Variants in PANK3 observed in about 807,000 individuals in gnomAD.
The protein encoded by PANK3 is hPanK3.
A neutral mutation model predicts 39.4 loss-of-function variants in PANK3; 20 were observed. The observed-to-expected ratio is 0.51, with a 90% CI of 0.36 to 0.74. The LOEUF is 0.74. Ranked by LOEUF, PANK3 falls within the 30% of genes least tolerant of loss-of-function variation. The pLI, the probability that PANK3 is intolerant of heterozygous loss-of-function variation, is 0.00. For missense variants in PANK3, 265 were observed against 437.0 expected (o/e 0.61, Z 3.51); for synonymous variants, 140 against 157.3 (o/e 0.89, Z 0.82).
chr5:168,568,523 G>A, intron 2 of PANK3, 123 bp downstream of exon 2: 1 of 765,474 alleles, frequency 1.3e-6, no homozygotes, highest in Non-Finnish European at 2.1e-6. Context: ...CAAGTGAAAG[G>A]CAACCATGGA....
rs1416840205 is a variant in PANK3, at chr5:168,556,284, G to C, written c.*1287C>G. ...AAATGGAAGACTTGCTCCAACTCTAGAGTTTTCAGAGAGTTAGAGGAGGTG... is the reference window on the plus strand; with the variant it reads ...AAATGGAAGACTTGCTCCAACTCTACAGTTTTCAGAGAGTTAGAGGAGGTG... On this transcript the variant is annotated 3_prime_UTR_variant, in exon 7 of 7. Coordinates refer to ENST00000239231, the MANE Select transcript of PANK3 (RefSeq NM_024594.4). The C allele has an allele frequency of 1.3e-5, 2 of 152,186 alleles. No homozygotes were observed. Among genetic ancestry groups the C allele is most frequent in the African/African-American group, 4.8e-5 (2 of 41,438 alleles). 9.4% of individuals were successfully genotyped at this position (152,186 alleles called of 1,614,324 possible). A position where few individuals can be genotyped will look rare whatever the true frequency, so the allele number is the denominator to read the frequency against.
intron 1 of PANK3, among the ~76,000 whole-genome samples, chr5:168,571,297 C>T (rs1479036196): frequency 6.6e-6 from 1 of 152,150 alleles, no homozygotes; most frequent in Non-Finnish European, 1.5e-5. Flanking sequence ...TAAAGCACAA[C>T]TGATTCAGTT....
chr5:168,573,416 CAAAAAAAAAAAAAAAAA>C (rs574960925), intron 1 of PANK3, among the ~76,000 whole-genome samples: 195 of 16,982 alleles, frequency 0.011, 10 homozygotes, highest in African/African-American at 0.049. Flanking sequence ...CTCAGCAAGG[CAAAAAAAAAAAAAAAAA>C]AAAAAAAAAA....
chr5:168,577,822 T>C lies in PANK3; in HGVS notation c.28+1434A>G, dbSNP rs763829477. Among the ~76,000 whole-genome samples, 146 of 152,134 alleles carry C rather than the reference T, an allele frequency of 9.6e-4. 2 individuals carry two copies. The highest frequency in any genetic ancestry group is 2.8e-4 in the Non-Finnish European group (19 of 68,020). ...AGTTGGTCATACACTGTTCACCAAATGGAAATTCTAAGAGAAGCAGAGAAA... is the reference window on the plus strand; with the variant it reads ...AGTTGGTCATACACTGTTCACCAAACGGAAATTCTAAGAGAAGCAGAGAAA... On this transcript the variant is annotated intron_variant, in intron 1 of 6. Transcript: ENST00000239231.
intron 3 of PANK3, among the ~76,000 whole-genome samples, chr5:168,565,582 C>A (rs1293789008): frequency 6.6e-6 from 1 of 151,764 alleles, no homozygotes; most frequent in Non-Finnish European, 1.5e-5. Context: ...AGTAAATGCT[C>A]CAGTTAAATT....
chr5:168,578,989 A>C (rs1354026961), intron 1 of PANK3, among the ~76,000 whole-genome samples: 1 of 152,228 alleles, frequency 6.6e-6, no homozygotes, highest in African/African-American at 2.4e-5. Context: ...CAAAAATCAG[A>C]ATCAGAAATT....
At position 168,559,100 on chromosome 5, in the gene PANK3, T is replaced by C; in HGVS notation, c.994A>G (p.Lys332Glu). 2 of 1,607,700 alleles carry C rather than the reference T, an allele frequency of 1.2e-6. No homozygotes were observed. The highest frequency in any genetic ancestry group is 1.7e-6 in the Non-Finnish European group (2 of 1,175,064). ...TAATCCAGTGCATATGCCAAAAGTT[T>C]CATTGAGAGGGTATTGACACGTAAA... ...NFLRVNTLSM[K>E]LLAYALDYWS... Residue 332 changes from lysine to glutamate, a missense_variant, in exon 6 of 7, where the codon AAA becomes GAA. Transcript: ENST00000239231.
chr5:168,558,961 G>A lies in PANK3; in HGVS notation c.1062+71C>T, dbSNP rs1355781578. ...ATTGTGCCACTAAACTCAAGCCTGA[G>A]TGACAGAGCAAGACCCTGTCTCTTA... On this transcript the variant is annotated intron_variant, in intron 6 of 6. Transcript: ENST00000239231. 3.4e-6 allele frequency: 5 copies of A among 1,455,304 alleles called. No individual in the cohort carries two copies. In the African/African-American group the frequency reaches 7.1e-5, roughly 21 times the overall value. 90.1% of individuals were successfully genotyped at this position (1,455,304 alleles called of 1,614,324 possible).
chr5:168,559,205 C>T (rs1227044248), intron 5 of PANK3, 48 bp from the exon 6 acceptor site: 1 of 1,241,858 alleles, frequency 8.1e-7, no homozygotes, highest in African/African-American at 1.5e-5. Flanking sequence ...ATAGATTTTA[C>T]AATATAAAAG....
intron 4 of PANK3, among the ~76,000 whole-genome samples, chr5:168,563,023 A>C (rs1222978994): frequency 1.3e-5 from 2 of 152,190 alleles, no homozygotes; most frequent in African/African-American, 2.4e-5. Flanking sequence ...GGAAAAAAAA[A>C]CAAAAAACCT....
At chr5:168,567,612 C>T (rs563523330) in intron 2 of PANK3, among the ~76,000 whole-genome samples, 2 of 152,128 alleles carry the variant, frequency 1.3e-5, no homozygotes, top group South Asian at 4.2e-4. Flanking sequence ...TTCTATGAGC[C>T]ATTTAAGTTA....
rs1447300786 is a variant in PANK3, at chr5:168,574,920, T to C, written c.28+4336A>G. Among the ~76,000 whole-genome samples the C allele has an allele frequency of 2.6e-5, 4 of 152,118 alleles. No homozygotes were observed. In the East Asian group the frequency reaches 5.8e-4, roughly 22 times the overall value. On this transcript the variant is annotated intron_variant, in intron 1 of 6. Coordinates refer to ENST00000239231, the MANE Select transcript of PANK3 (RefSeq NM_024594.4). Reference sequence around the variant, plus strand: ...AATCAAGCAAGTATCTACATATTTATAGCTTTGTTGCTTCTAGCCAAGAGA... The same window carrying C: ...AATCAAGCAAGTATCTACATATTTACAGCTTTGTTGCTTCTAGCCAAGAGA...
intron 2 of PANK3, 74 bp from the exon 3 acceptor site, chr5:168,566,340 A>G: frequency 6.8e-7 from 1 of 1,461,108 alleles, no homozygotes; most frequent in Non-Finnish European, 9.1e-7. Flanking sequence ...TTCCTGTATT[A>G]CTTTACAAAA....
intron 1 of PANK3, among the ~76,000 whole-genome samples, chr5:168,569,216 G>T (rs556910689): frequency 8.3e-6 from 1 of 119,780 alleles, no homozygotes; most frequent in East Asian, 2.3e-4. Context: ...ATGGAGTCTC[G>T]CTCTGTTGCC....
chr5:168,557,719 TTAA>T lies in PANK3; in HGVS notation c.1063-101_1063-99del, dbSNP rs542723220. 2,174 of 971,696 alleles carry T rather than the reference TTAA, an allele frequency of 2.2e-3. 8 individuals carry two copies. Among genetic ancestry groups the T allele is most frequent in the Non-Finnish European group, 2.8e-3 (1,867 of 664,390 alleles). The allele number at this position is 971,696 out of a possible 1,614,324, so 60.2% of individuals were successfully genotyped here. ...ACACAACTATGCACAATCTATTTGTTTAATAATATTTGGAAACCTACCAATTTC... is the reference window on the plus strand; with the variant it reads ...ACACAACTATGCACAATCTATTTGTTTAATATTTGGAAACCTACCAATTTC... On this transcript the variant is annotated intron_variant, in intron 6 of 6. Coordinates refer to ENST00000239231, the MANE Select transcript of PANK3 (RefSeq NM_024594.4).
At chr5:168,564,375 T>C (rs905651469) in intron 3 of PANK3, among the ~76,000 whole-genome samples, 14 of 152,216 alleles carry the variant, frequency 9.2e-5, no homozygotes, top group Non-Finnish European at 1.3e-4. Context: ...AATTGTTGTG[T>C]GTGCATTAAA....
In PANK3 at chr5:168,559,138, A is replaced by G; in HGVS notation, c.956T>C (p.Phe319Ser). 6.4e-7 allele frequency: 1 copy of G among 1,555,580 alleles called. No homozygotes were observed. The highest frequency in any genetic ancestry group is 8.8e-7 in the Non-Finnish European group (1 of 1,141,050). Residue 319 changes from phenylalanine (F) to serine (S), a missense_variant, in exon 6 of 7, where the codon TTT becomes TCT. Physicochemically the swap from Phe to Ser is radical, Grantham distance 155. This residue lies in a region of PANK3 where 110 missense variants were observed against 161.2 expected (regional missense o/e 0.68). Coordinates refer to ENST00000239231, the MANE Select transcript of PANK3 (RefSeq NM_024594.4). ...ATTGACACGTAAAAAGTTTCCAACAAAGACAACTCTGTTTATTTTCTAAAA... is the reference window on the plus strand; with the variant it reads ...ATTGACACGTAAAAAGTTTCCAACAGAGACAACTCTGTTTATTTTCTAAAA... ...AVNEKINRVV[F>S]VGNFLRVNTL... is the part of the protein sequence containing the mutation.
intron 4 of PANK3, 60 bp from the exon 5 acceptor site, chr5:168,561,576 A>G (rs778251952): frequency 7.9e-6 from 11 of 1,395,470 alleles, no homozygotes; most frequent in Non-Finnish European, 1.1e-5. Flanking sequence ...TTTACGTATT[A>G]ACAGATATAT....
In PANK3 at chr5:168,551,967, T is replaced by C. The variant is rs1031731013; in HGVS notation, c.*5604A>G. ...ATGTCAAATTACATGGCAAGTTTAC[T>C]AATAGTCTTTGGAAAAGATGAGTGT... On this transcript the variant is annotated 3_prime_UTR_variant, in exon 7 of 7. Transcript: ENST00000239231. 2.0e-5 allele frequency: 3 copies of C among 152,204 alleles called. No individual in the cohort carries two copies. Among genetic ancestry groups the C allele is most frequent in the African/African-American group, 7.2e-5 (3 of 41,454 alleles). The allele number at this position is 152,204 out of a possible 1,614,324, so 9.4% of individuals were successfully genotyped here.
Sources: allele counts gnomAD v4.1 joint callset (sites outside exome capture counted in the v4.1 genomes callset), GRCh38; gene constraint gnomAD v4.1.1; regional missense constraint gnomAD v4.1.1; transcripts MANE v1.5; gene names NCBI Gene and HGNC (gene_info 2026-07-23, HGNC 2026-07-21).